The following LAMC3 variants were observed in gnomAD, a reference collection of about 807,000 sequenced individuals.
The protein encoded by LAMC3 is laminin subunit gamma-3.
In LAMC3, 128 loss-of-function variants were observed where a neutral mutation model predicts 173.8. That is an observed-to-expected ratio of 0.74 (90% CI 0.64 to 0.85). The LOEUF is 0.85. LAMC3 is among the 40% of genes least tolerant of loss of function. The pLI, the probability that LAMC3 is intolerant of heterozygous loss-of-function variation, is 0.00. For missense variants in LAMC3, 2,022 were observed against 2,156.0 expected (o/e 0.94, Z 1.23); for synonymous variants, 897 against 909.1 (o/e 0.99, Z 0.24).
intron 6 of LAMC3, among the ~76,000 whole-genome samples, chr9:131,040,216 C>T (rs562969196): frequency 2.9e-4 from 44 of 151,762 alleles, no homozygotes; most frequent in African/African-American, 1.0e-3. Context: ...CCTCCTCTGT[C>T]ACCCAGGCTG....
intron 7 of LAMC3, among the ~76,000 whole-genome samples, chr9:131,044,468 C>T (rs757833417): frequency 2.6e-5 from 4 of 152,116 alleles, no homozygotes; most frequent in Non-Finnish European, 5.9e-5. Context: ...TGAAATCGTG[C>T]CACTGCACTC....
rs200080310 is a variant in LAMC3, at chr9:131,072,754, C to T, written c.3336C>T (p.Cys1112=). The change falls in exon 19 of 28, where the codon TGC becomes TGT. Residue 1112 remains cysteine, a synonymous_variant. Transcript: ENST00000361069. ...CCCAGGCCGGATCCCAGAAGACCTG[C>T]ACCCAGCTGGCAGACCTGGAGGCAG... The part of the protein sequence containing the change: ...RCAQAGSQKT[C]TQLADLEAVL... The T allele has an allele frequency of 6.2e-6, 10 of 1,613,246 alleles. No homozygotes were observed. Among genetic ancestry groups the T allele is most frequent in the Non-Finnish European group, 8.5e-6 (10 of 1,179,814 alleles).
chr9:131,020,926 T>C (rs1833612771), intron 1 of LAMC3, among the ~76,000 whole-genome samples: 1 of 152,178 alleles, frequency 6.6e-6, no homozygotes, highest in African/African-American at 2.4e-5. Flanking sequence ...TGCTGGATCA[T>C]ATGGCAATTC....
chr9:131,041,775 C>G (rs761001023), intron 7 of LAMC3, 40 bp downstream of exon 7: 93 of 1,557,434 alleles, frequency 6.0e-5, no homozygotes, highest in Middle Eastern at 4.0e-4. Context: ...CTGGAAGTGA[C>G]CTGGGGGCTC....
intron 2 of LAMC3, among the ~76,000 whole-genome samples, chr9:131,028,019 C>T (rs959045959): frequency 1.6e-4 from 24 of 152,354 alleles, no homozygotes; most frequent in African/African-American, 3.6e-4. Context: ...GGCTGCAGAC[C>T]GGTACTGGTC....
intron 12 of LAMC3, among the ~76,000 whole-genome samples, chr9:131,059,416 CA>C (rs1425625594): frequency 7.4e-6 from 1 of 134,846 alleles, no homozygotes; most frequent in Non-Finnish European, 1.5e-5. Flanking sequence ...TGTTTGAACC[CA>C]GGGGGCGGAG....
At chr9:131,066,778 G>T (rs775890077) in intron 13 of LAMC3, among the ~76,000 whole-genome samples, 182 bp from the exon 14 acceptor site, 6 of 152,126 alleles carry the variant, frequency 3.9e-5, no homozygotes, top group Admixed American at 3.3e-4. Flanking sequence ...TCCTAGAGGC[G>T]CAGTGGCTTG....
At chr9:131,038,732 C>T in intron 4 of LAMC3, 132 bp from the exon 5 acceptor site, 3 of 957,658 alleles carry the variant, frequency 3.1e-6, no homozygotes, top group East Asian at 2.4e-5. Flanking sequence ...GCCTGAACTC[C>T]ATTCTGGACC....
intron 12 of LAMC3, 67 bp from the exon 13 acceptor site, chr9:131,060,968 C>T: frequency 1.3e-6 from 2 of 1,538,586 alleles, no homozygotes; most frequent in Non-Finnish European, 1.8e-6. Context: ...CCTAACCTCT[C>T]CCACCGGGAT....
At chr9:131,086,898 A>G (rs1830341480) in intron 25 of LAMC3, among the ~76,000 whole-genome samples, 3 of 151,378 alleles carry the variant, frequency 2.0e-5, no homozygotes, top group South Asian at 2.1e-4. Context: ...CGAAAAAAAA[A>G]AAGAAAAAAA....
intron 8 of LAMC3, among the ~76,000 whole-genome samples, chr9:131,046,516 G>GTCTTTT (rs1443313320): frequency 2.6e-5 from 1 of 38,756 alleles, no homozygotes; most frequent in Non-Finnish European, 5.5e-5. Flanking sequence ...GCTAATTTTT[G>GTCTTTT]TATTTTTTTT....
Position 131,082,073 on chromosome 9 carries a change from C to G in LAMC3, c.3942C>G (p.Ala1314=). 2 of 1,613,776 alleles carry G rather than the reference C, an allele frequency of 1.2e-6. No homozygotes were observed. Among genetic ancestry groups the G allele is most frequent in the Non-Finnish European group, 1.7e-6 (2 of 1,179,888 alleles). Residue 1314 remains alanine, a synonymous_variant, in exon 24 of 28, where the codon GCC becomes GCG. Transcript: ENST00000361069. ...TEPLTKLHQE[A]RAALTQASSS... ...TCTCTCTCCAGCTGCACCAGGAGGC[C>G]AGAGCCGCCCTGACCCAGGCTTCCT...
intron 13 of LAMC3, among the ~76,000 whole-genome samples, chr9:131,064,999 C>T (rs1374700366): frequency 7.1e-6 from 1 of 140,120 alleles, no homozygotes; most frequent in African/African-American, 2.7e-5. Context: ...CGAGATGGTG[C>T]CATTGCACTC....
chr9:131,044,760 A>G (rs538787373), intron 7 of LAMC3, among the ~76,000 whole-genome samples: 1 of 152,356 alleles, frequency 6.6e-6, no homozygotes, highest in Non-Finnish European at 1.5e-5. Context: ...CAGACATTCT[A>G]AAAATACCTG....
At chr9:131,017,950 C>T (rs1160195389) in intron 1 of LAMC3, among the ~76,000 whole-genome samples, 5 of 151,686 alleles carry the variant, frequency 3.3e-5, no homozygotes, top group African/African-American at 1.2e-4. Context: ...CACTGGAACC[C>T]GGGAGGCAGA....
Position 131,057,391 on chromosome 9 carries a change from A to G in LAMC3, c.2158+244A>G, listed in dbSNP as rs12338832. On this transcript the variant is annotated intron_variant, in intron 12 of 27. Transcript: ENST00000361069. ...CCAAGGACTTTGTATGTATCAGGTG[A>G]TAACCATAAGCCAGCTGCTCTGTGG... is the stretch of plus-strand genomic sequence containing the variant. Among the ~76,000 whole-genome samples, 630 of 152,368 alleles carry G rather than the reference A, an allele frequency of 4.1e-3. 3 individuals carry two copies. The highest frequency in any genetic ancestry group is 0.014 in the African/African-American group (597 of 41,586).
intron 13 of LAMC3, among the ~76,000 whole-genome samples, chr9:131,066,275 A>G (rs1829930221): frequency 6.6e-6 from 1 of 151,834 alleles, no homozygotes; most frequent in South Asian, 2.1e-4. Context: ...CAGATCACTT[A>G]AGTCCAGAAG....
At chr9:131,091,057 C>T (rs1830416104) in intron 27 of LAMC3, among the ~76,000 whole-genome samples, 1 of 152,112 alleles carries the variant, frequency 6.6e-6, no homozygotes, top group Admixed American at 6.5e-5. Context: ...TCCATACATA[C>T]ATACAAAAAT....
At chr9:131,032,497 T>TCTTG (rs1295151312) in intron 3 of LAMC3, among the ~76,000 whole-genome samples, 5 of 143,796 alleles carry the variant, frequency 3.5e-5, no homozygotes, top group Non-Finnish European at 3.0e-5. Context: ...GCTCTCGCTC[T>TCTTG]CTCTCACTCG....
Sources: allele counts gnomAD v4.1 joint callset (sites outside exome capture counted in the v4.1 genomes callset), GRCh38; gene constraint gnomAD v4.1.1; transcripts MANE v1.5; gene names NCBI Gene and HGNC (gene_info 2026-07-23, HGNC 2026-07-21).